MBD3: variants seen among roughly 807,000 people sequenced by gnomAD.
The protein encoded by MBD3 is methyl-CpG-binding domain protein 3.
A neutral mutation model predicts 31.2 loss-of-function variants in MBD3; 13 were observed. That is an observed-to-expected ratio of 0.42 (90% CI 0.27 to 0.66). MBD3 has a LOEUF of 0.66. MBD3 is among the 30% of genes least tolerant of loss of function. The pLI is 0.26. For synonymous variants in MBD3, 223 were observed against 187.4 expected (o/e 1.19, Z -1.55); for missense variants, 440 against 426.5 (o/e 1.03, Z -0.28).
intron 1 of MBD3, among the ~76,000 whole-genome samples, chr19:1,591,450 C>A (rs756087816): frequency 2.6e-5 from 4 of 152,222 alleles, no homozygotes; most frequent in African/African-American, 9.6e-5. Flanking sequence ...GTGGACGGAG[C>A]GGTCGTTCTG....
Position 1,581,268 on chromosome 19 carries a change from C to G in MBD3, c.501G>C (p.Gly167=). 6.2e-7 allele frequency: 1 copy of G among 1,606,480 alleles called. No individual in the cohort carries two copies. Among genetic ancestry groups the G allele is most frequent in the Non-Finnish European group, 8.5e-7 (1 of 1,179,794 alleles). Reference sequence around the variant, plus strand: ...TCTCATCCGTGCAGCCAGGTCCCACCCCTGCCAGGCAGTGGACAAACAGCC... The same window carrying G: ...TCTCATCCGTGCAGCCAGGTCCCACGCCTGCCAGGCAGTGGACAAACAGCC... The part of the protein sequence containing the change: ...KTMDLPKGLQ[G]VGPGCTDETL... The change falls in exon 5 of 7, where the codon GGG becomes GGC. Residue 167 remains glycine (G), a splice_region_variant and synonymous_variant. Coordinates refer to ENST00000434436, the MANE Select transcript of MBD3 (RefSeq NM_001281453.2).
chr19:1,578,238 C>A lies in MBD3; in HGVS notation c.*6-80G>T. 6.4e-7 allele frequency: 1 copy of A among 1,566,836 alleles called. No individual in the cohort carries two copies. The highest frequency in any genetic ancestry group is 8.7e-7 in the Non-Finnish European group (1 of 1,155,602). On this transcript the variant is annotated intron_variant, in intron 6 of 6. Transcript: ENST00000434436. This position sits in a 1 kb window ranked among gnomAD's most constrained non-coding sequence, Gnocchi z 6.1. ...GGCTCTTCTAGGGAGATGGGAAGCT[C>A]TTGGGAGGCACCCGTCATCCCAAGC...
chr19:1,585,065 T>C lies in MBD3; in HGVS notation c.260A>G (p.Asn87Ser), dbSNP rs2060672100. ...SRQRVRYDSSNQVKGKPDLNT... is the reference protein window; with the variant it reads ...SRQRVRYDSSSQVKGKPDLNT... ...GACGCCACCACTCACCTTGACCTGG[T>C]TGGAGGAGTCGTAGCGCACGCGCTG... Residue 87 changes from asparagine (N) to serine (S), a missense_variant, in exon 2 of 7, where the codon AAC becomes AGC. This residue lies in a region of MBD3 where 179 missense variants were observed against 134.7 expected (regional missense o/e 1.33). Coordinates refer to ENST00000434436, the MANE Select transcript of MBD3 (RefSeq NM_001281453.2). The surrounding 1 kb of genome is among the most constrained non-coding windows in gnomAD (Gnocchi z 4.1). The C allele has an allele frequency of 1.9e-6, 3 of 1,611,806 alleles. No individual in the cohort carries two copies. Among genetic ancestry groups the C allele is most frequent in the East Asian group, 2.2e-5 (1 of 44,830 alleles).
chr19:1,592,297 G>A (rs989502453), intron 1 of MBD3: 6 of 161,418 alleles, frequency 3.7e-5, no homozygotes, highest in Middle Eastern at 2.9e-3. Flanking sequence ...GTCGCCGTCC[G>A]GCAGCCAGTC....
Position 1,575,179 on chromosome 19 carries a change from C to T in MBD3, c.*2985G>A, listed in dbSNP as rs993393956. ...CCATGGTGGTTCACACCTGTAATCC[C>T]GGCAATTTGGGAAGCTGGGGCGGGC... On this transcript the variant is annotated 3_prime_UTR_variant, in exon 7 of 7. Transcript: ENST00000434436. 1.4e-5 allele frequency: 6 copies of T among 436,064 alleles called. No individual in the cohort carries two copies. Among genetic ancestry groups the T allele is most frequent in the African/African-American group, 4.0e-5 (2 of 49,516 alleles). 27.0% of individuals were successfully genotyped at this position (436,064 alleles called of 1,614,324 possible).
At chr19:1,584,924 T>C in intron 2 of MBD3, 131 bp downstream of exon 2, 1 of 1,340,426 alleles carries the variant, frequency 7.5e-7, no homozygotes, top group Non-Finnish European at 1.0e-6. Flanking sequence ...CGCCTTCCGC[T>C]CTGTGCCCTC....
chr19:1,590,702 G>A (rs945675920), intron 1 of MBD3, among the ~76,000 whole-genome samples: 8 of 152,142 alleles, frequency 5.3e-5, no homozygotes, highest in African/African-American at 1.9e-4. Flanking sequence ...ACAAAATGAT[G>A]TCCCTGAGAT....
rs1472147563 is a variant in MBD3, at chr19:1,573,742, T to TA, written c.*4421dup. On this transcript the variant is annotated 3_prime_UTR_variant, in exon 7 of 7. Transcript: ENST00000434436. ...GGCTAAAAATTAAAACTGTGAAAAT[T>TA]AAAACTGAGCAGGGAAGGCAGTTTT... 1 of 152,200 alleles carries TA rather than the reference T, an allele frequency of 6.6e-6. No homozygotes were observed. Among genetic ancestry groups the TA allele is most frequent in the Non-Finnish European group, 1.5e-5 (1 of 68,036 alleles). The allele number at this position is 152,200 out of a possible 1,614,324, so 9.4% of individuals were successfully genotyped here.
In MBD3 at chr19:1,578,506, T is replaced by G; in HGVS notation, c.710A>C (p.Lys237Thr). ...KQEELVQQVR[K>T]RLEEALMADM... ...GGCCATCAGCGCCTCCTCCAGCCGC[T>G]TCCGCACCTGCTGCACCAGCTCTTC... The change falls in exon 6 of 7, where the codon AAG becomes ACG. Residue 237 changes from lysine (K) to threonine (T), a missense_variant. Coordinates refer to ENST00000434436, the MANE Select transcript of MBD3 (RefSeq NM_001281453.2). The surrounding 1 kb of genome is among the most constrained non-coding windows in gnomAD (Gnocchi z 6.1). 1 of 1,612,248 alleles carries G rather than the reference T, an allele frequency of 6.2e-7. No homozygotes were observed. The highest frequency in any genetic ancestry group is 8.5e-7 in the Non-Finnish European group (1 of 1,179,890).
At chr19:1,583,952 G>A (rs909612267) in intron 3 of MBD3, among the ~76,000 whole-genome samples, 3 of 151,942 alleles carry the variant, frequency 2.0e-5, no homozygotes, top group African/African-American at 7.3e-5. Context: ...CTCCCGGGTA[G>A]CTGGGATTAC....
chr19:1,584,704 G>C, intron 2 of MBD3, 27 bp from the exon 3 acceptor site: 2 of 1,602,880 alleles, frequency 1.2e-6, no homozygotes, highest in Non-Finnish European at 1.7e-6. Context: ...ATGCAGTCCG[G>C]CCTGGGGGCG....
At chr19:1,583,968 C>G (rs71337030) in intron 3 of MBD3, among the ~76,000 whole-genome samples, 2,915 of 151,660 alleles carry the variant, frequency 0.019, 38 homozygotes, top group Non-Finnish European at 0.029. Context: ...ATTACAGGCG[C>G]ACACCACCAC....
chr19:1,579,453 G>A (rs182201832), intron 5 of MBD3, among the ~76,000 whole-genome samples: 26 of 152,154 alleles, frequency 1.7e-4, no homozygotes, highest in Admixed American at 3.9e-4. Context: ...TGCCGCCTCC[G>A]GGGCCGCAGC....
At position 1,577,926 on chromosome 19, in the gene MBD3, C is replaced by A; in HGVS notation, c.*238G>T. ...GGGCCCAGGAGCACCCGGCACTTCC[C>A]GAAGCCGGACTCTGTAGAGGACGAG... On this transcript the variant is annotated 3_prime_UTR_variant, in exon 7 of 7. Transcript: ENST00000434436. The A allele has an allele frequency of 3.9e-6, 1 of 258,666 alleles. No homozygotes were observed. Among genetic ancestry groups the A allele is most frequent in the Non-Finnish European group, 7.6e-6 (1 of 132,186 alleles). The allele number at this position is 258,666 out of a possible 1,614,324, so 16.0% of individuals were successfully genotyped here. A position where few individuals can be genotyped will look rare whatever the true frequency, so the allele number is the denominator to read the frequency against.
rs1915580526 is a variant in MBD3, at chr19:1,575,057, G to A, written c.*3107C>T. 1 of 373,658 alleles carries A rather than the reference G, an allele frequency of 2.7e-6. No individual in the cohort carries two copies. Among genetic ancestry groups the A allele is most frequent in the East Asian group, 8.3e-5 (1 of 12,000 alleles). 23.1% of individuals were successfully genotyped at this position (373,658 alleles called of 1,614,324 possible). On this transcript the variant is annotated 3_prime_UTR_variant, in exon 7 of 7. Transcript: ENST00000434436. ...CGGGGGTCCTGAGCCTCTCCTCCCT[G>A]GTACCCTCTGTGGCGGCAGCGGTGG...
At chr19:1,582,736 C>T (rs991325805) in intron 3 of MBD3, 24 bp from the exon 4 acceptor site, 4 of 1,603,216 alleles carry the variant, frequency 2.5e-6, no homozygotes, top group Non-Finnish European at 3.4e-6. Flanking sequence ...ATATGTGAAC[C>T]TCAAGAGTGG....
Position 1,577,680 on chromosome 19 carries a change from GCA to G in MBD3, c.*482_*483del, listed in dbSNP as rs1053174421. On this transcript the variant is annotated 3_prime_UTR_variant, in exon 7 of 7. Transcript: ENST00000434436. ...GCAGGGCAGAGAGTGGCGCCGTCCT[GCA>G]TGCCCCCCACAGCAGACCAGAGTCC... The G allele has an allele frequency of 6.4e-6, 1 of 155,214 alleles. No homozygotes were observed. The highest frequency in any genetic ancestry group is 1.4e-5 in the Non-Finnish European group (1 of 70,050). 9.6% of individuals were successfully genotyped at this position (155,214 alleles called of 1,614,324 possible).
chr19:1,582,055 C>G (rs1318183491), intron 4 of MBD3, among the ~76,000 whole-genome samples: 1 of 152,170 alleles, frequency 6.6e-6, no homozygotes, highest in African/African-American at 2.4e-5. Context: ...GCGTGAGCCA[C>G]TGCACCTGGC....
chr19:1,576,343 T>A lies in MBD3; in HGVS notation c.*1821A>T, dbSNP rs1399271292. 1 of 152,240 alleles carries A rather than the reference T, an allele frequency of 6.6e-6. No individual in the cohort carries two copies. Among genetic ancestry groups the A allele is most frequent in the Non-Finnish European group, 1.5e-5 (1 of 68,090 alleles). 9.4% of individuals were successfully genotyped at this position (152,240 alleles called of 1,614,324 possible). On this transcript the variant is annotated 3_prime_UTR_variant, in exon 7 of 7. Transcript: ENST00000434436. ...ACCTGAGGACCTGGGGGGCCCTCCC[T>A]GCCAGGCAGCCCCTCCTGCTTCCCT...
Sources: gnomAD v4.1 joint callset for allele counts (sites outside exome capture counted in the v4.1 genomes callset) on GRCh38, gnomAD v4.1.1 for gene constraint, gnomAD v4.1.1 regional missense constraint, Gnocchi (gnomAD v3.1) non-coding constraint, MANE v1.5 for transcripts, NCBI Gene and HGNC (gene_info 2026-07-23, HGNC 2026-07-21) for gene names.